The following ANKRD44 variants were observed in gnomAD, a reference collection of about 807,000 sequenced individuals.
ANKRD44 encodes serine/threonine-protein phosphatase 6 regulatory ankyrin repeat subunit B.
A neutral mutation model predicts 116.0 loss-of-function variants in ANKRD44; 35 were observed. That is an observed-to-expected ratio of 0.30 (90% CI 0.23 to 0.40). The LOEUF (loss-of-function observed/expected upper bound fraction) is 0.40, where lower values mean the gene tolerates loss of function less well. Among genes scored for constraint, ANKRD44 ranks in the 10% least tolerant of loss-of-function variants. The pLI, the probability that ANKRD44 is intolerant of heterozygous loss-of-function variation, is 1.00. For synonymous variants in ANKRD44, 435 were observed against 461.8 expected (o/e 0.94, Z 0.74); for missense variants, 1,014 against 1,242.6 (o/e 0.82, Z 2.77).
chr2:197,059,123 A>G (rs530078590), intron 16 of ANKRD44, among the ~76,000 whole-genome samples: 5 of 152,238 alleles, frequency 3.3e-5, no homozygotes, highest in Non-Finnish European at 5.9e-5. Context: ...TTATTTGCCT[A>G]GGGCCAGAGA....
In ANKRD44 at chr2:197,310,662, G is replaced by T; in HGVS notation, c.-58C>A. The T allele has an allele frequency of 1.5e-6, 2 of 1,312,914 alleles. No individual in the cohort carries two copies. The highest frequency in any genetic ancestry group is 2.0e-6 in the Non-Finnish European group (2 of 1,008,692). The allele number at this position is 1,312,914 out of a possible 1,614,324, so 81.3% of individuals were successfully genotyped here. A position where few individuals can be genotyped will look rare whatever the true frequency, so the allele number is the denominator to read the frequency against. On this transcript the variant is annotated 5_prime_UTR_variant, in exon 1 of 28. Coordinates refer to ENST00000282272, the MANE Select transcript of ANKRD44 (RefSeq NM_001195144.2). ...GTCCCCGGCCCGCAGATGTCACGCC[G>T]GGAGCCGGGGAAGCGGAAGGGATTG...
chr2:196,992,050 A>C (rs1209705781), intron 27 of ANKRD44, among the ~76,000 whole-genome samples: 1 of 152,212 alleles, frequency 6.6e-6, no homozygotes, highest in African/African-American at 2.4e-5. Context: ...TTAACTCATA[A>C]TATAGGTTCC....
At chr2:197,050,016 G>A (rs1444719132) in intron 16 of ANKRD44, among the ~76,000 whole-genome samples, 3 of 152,076 alleles carry the variant, frequency 2.0e-5, no homozygotes, top group East Asian at 3.8e-4. Context: ...TAACTGGCTC[G>A]AAGTTCCACA....
intron 1 of ANKRD44, among the ~76,000 whole-genome samples, chr2:197,204,968 T>G (rs1426168578): frequency 6.6e-6 from 1 of 152,250 alleles, no homozygotes; most frequent in Non-Finnish European, 1.5e-5. Context: ...TTAGAGCAGC[T>G]GTCCAGCAAG....
At chr2:197,169,608 G>A (rs541604655) in intron 2 of ANKRD44, among the ~76,000 whole-genome samples, 8 of 152,220 alleles carry the variant, frequency 5.3e-5, no homozygotes, top group African/African-American at 1.4e-4. Flanking sequence ...AGTTGACCAC[G>A]GACCAATGGT....
chr2:197,012,319 C>T (rs766406018), intron 18 of ANKRD44, among the ~76,000 whole-genome samples: 4 of 152,032 alleles, frequency 2.6e-5, no homozygotes, highest in African/African-American at 4.8e-5. Flanking sequence ...TTTATAAGGG[C>T]GATTTTCCAC....
At chr2:197,296,307 G>C (rs141781058) in intron 1 of ANKRD44, 1 of 152,180 alleles carries the variant, frequency 6.6e-6, no homozygotes, top group Non-Finnish European at 1.5e-5. Context: ...CAAATTACCT[G>C]TCAGCCTGAT....
intron 16 of ANKRD44, among the ~76,000 whole-genome samples, chr2:197,031,111 C>T (rs1023771614): frequency 2.6e-5 from 4 of 151,902 alleles, no homozygotes; most frequent in Non-Finnish European, 4.4e-5. Flanking sequence ...AAATCCAAAG[C>T]TTGTCAAGCG....
At position 197,269,764 on chromosome 2, in the gene ANKRD44, C is replaced by G. The variant is rs1331663811; in HGVS notation, c.27+40814G>C. 5.3e-5 allele frequency among the ~76,000 whole-genome samples: 8 copies of G among 151,974 alleles called. No individual in the cohort carries two copies. The East Asian group carries it at 7.7e-4, about 15-fold the overall frequency. ...AGTGGCCCATGGGAGGTATAAGTAC[C>G]CTGGGACCAATTAACCTCAGTGTGC... On this transcript the variant is annotated intron_variant, in intron 1 of 27. Coordinates refer to ENST00000282272, the MANE Select transcript of ANKRD44 (RefSeq NM_001195144.2).
intron 10 of ANKRD44, among the ~76,000 whole-genome samples, chr2:197,096,413 C>G (rs1216415271): frequency 6.6e-6 from 1 of 152,110 alleles, no homozygotes; most frequent in Non-Finnish European, 1.5e-5. Context: ...TTAAAATCCT[C>G]GAGACAATCC....
chr2:197,248,179 T>C (rs1178774578), intron 1 of ANKRD44, among the ~76,000 whole-genome samples: 1 of 152,132 alleles, frequency 6.6e-6, no homozygotes, highest in Non-Finnish European at 1.5e-5. Context: ...TGTGTCAAAT[T>C]GGAGAGGGGT....
intron 1 of ANKRD44, among the ~76,000 whole-genome samples, chr2:197,310,229 G>A (rs2084206494): frequency 6.6e-6 from 1 of 151,450 alleles, no homozygotes; most frequent in Admixed American, 6.6e-5. Flanking sequence ...GGCCGGCGGC[G>A]CCCACGCAAC....
At chr2:197,172,407 C>A (rs1414666169) in intron 2 of ANKRD44, among the ~76,000 whole-genome samples, 2 of 152,184 alleles carry the variant, frequency 1.3e-5, no homozygotes, top group Non-Finnish European at 2.9e-5. Context: ...TACTTCCTGA[C>A]ACTGTTGAGT....
intron 13 of ANKRD44, among the ~76,000 whole-genome samples, chr2:197,084,052 A>T (rs1001835714): frequency 6.6e-6 from 1 of 152,036 alleles, no homozygotes; most frequent in Admixed American, 6.6e-5. Context: ...TAAATGAAGA[A>T]TTTTTTTTAA....
intron 1 of ANKRD44, among the ~76,000 whole-genome samples, chr2:197,243,136 CTCTT>C (rs1166496227): frequency 5.3e-5 from 8 of 152,128 alleles, no homozygotes; most frequent in Admixed American, 2.0e-4. Context: ...ATTAGAAAAG[CTCTT>C]TATTTAGAGG....
intron 1 of ANKRD44, among the ~76,000 whole-genome samples, chr2:197,198,656 G>C (rs146548357): frequency 0.031 from 4,716 of 152,192 alleles, 86 homozygotes; most frequent in African/African-American, 0.044. Context: ...AGCCAGGCAT[G>C]GTGGCGTGCC....
intron 2 of ANKRD44, among the ~76,000 whole-genome samples, chr2:197,153,663 C>G (rs1028598298): frequency 1.3e-5 from 2 of 152,134 alleles, no homozygotes; most frequent in Non-Finnish European, 1.5e-5. Context: ...CACAGAAATA[C>G]AGAAAGTAAT....
intron 16 of ANKRD44, among the ~76,000 whole-genome samples, chr2:197,035,558 T>C (rs2076791942): frequency 6.6e-6 from 1 of 152,036 alleles, no homozygotes; most frequent in African/African-American, 2.4e-5. Flanking sequence ...TAAAAATGGA[T>C]TTCTTTATCT....
At chr2:197,176,545 C>A (rs1416960382) in intron 2 of ANKRD44, among the ~76,000 whole-genome samples, 2 of 152,004 alleles carry the variant, frequency 1.3e-5, no homozygotes, top group African/African-American at 4.8e-5. Context: ...GATTATTTAC[C>A]AATAAATGAA....
Sources: gnomAD v4.1 joint callset for allele counts (sites outside exome capture counted in the v4.1 genomes callset) on GRCh38, gnomAD v4.1.1 for gene constraint, MANE v1.5 for transcripts, NCBI Gene and HGNC (gene_info 2026-07-23, HGNC 2026-07-21) for gene names.